Variants in AMOTL2 observed in about 807,000 individuals in gnomAD.
The protein encoded by AMOTL2 is angiomotin like 2, also known as angiomotin-like protein 2.
Under a neutral mutation model 78.4 loss-of-function variants are expected in AMOTL2, and 33 were observed. The ratio of observed to expected loss-of-function variants is 0.42; its 90% CI spans 0.32 to 0.56. AMOTL2 has a LOEUF of 0.56. Ranked by LOEUF, AMOTL2 falls within the 20% of genes least tolerant of loss-of-function variation. The pLI, the probability that AMOTL2 is intolerant of heterozygous loss-of-function variation, is 0.12. For missense variants in AMOTL2, 983 were observed against 1,030.1 expected, an observed-to-expected ratio of 0.95 and a Z score of 0.63; for synonymous variants, 422 against 428.8, an observed-to-expected ratio of 0.98 and a Z score of 0.20.
intron 4 of AMOTL2, 111 bp downstream of exon 4, chr3:134,366,172 G>T: frequency 7.0e-7 from 1 of 1,437,240 alleles, no homozygotes; most frequent in Non-Finnish European, 9.5e-7. Flanking sequence ...GGCTCTCTGA[G>T]TTCATCTGCA....
chr3:134,372,926 G>T (rs1282717205), intron 1 of AMOTL2, among the ~76,000 whole-genome samples: 1 of 135,830 alleles, frequency 7.4e-6, no homozygotes, highest in African/African-American at 2.8e-5. Context: ...GGTCCTGTGT[G>T]TATGGGCAGG....
At chr3:134,366,115 G>C (rs1032752913) in intron 4 of AMOTL2, among the ~76,000 whole-genome samples, 168 bp downstream of exon 4, 3 of 152,200 alleles carry the variant, frequency 2.0e-5, no homozygotes, top group Non-Finnish European at 2.9e-5. Flanking sequence ...CCAGTACATA[G>C]AGACAAGCAT....
At chr3:134,359,830 G>A (rs913743888) in intron 7 of AMOTL2, among the ~76,000 whole-genome samples, 19 of 152,178 alleles carry the variant, frequency 1.2e-4, no homozygotes, top group African/African-American at 3.1e-4. Flanking sequence ...CCTGGAGGGC[G>A]GCACTCCGGA....
At chr3:134,357,897 C>T in intron 9 of AMOTL2, 134 bp from the exon 10 acceptor site, 10 of 890,610 alleles carry the variant, frequency 1.1e-5, no homozygotes, top group East Asian at 2.4e-5. Flanking sequence ...TCCCAGAACT[C>T]GGCCAACCAA....
At position 134,360,228 on chromosome 3, in the gene AMOTL2, A is replaced by C. The variant is rs757200684; in HGVS notation, c.1761T>G (p.Ala587=). 6 of 1,614,070 alleles carry C rather than the reference A, an allele frequency of 3.7e-6. No individual in the cohort carries two copies. The highest frequency in any genetic ancestry group is 5.1e-6 in the Non-Finnish European group (6 of 1,180,024). ...TGTCACGCTGAGCAGCAGCCGTGGCAGCCGCATCCATGGCAAACTGCCTCA... is the reference window on the plus strand; with the variant it reads ...TGTCACGCTGAGCAGCAGCCGTGGCCGCCGCATCCATGGCAAACTGCCTCA... ...RAMRQFAMDA[A]ATAAAQRDTT... is the part of the protein sequence containing the mutation. The change falls in exon 7 of 10, where the codon GCT becomes GCG. Residue 587 remains alanine, a synonymous_variant. Coordinates refer to ENST00000249883, the MANE Select transcript of AMOTL2 (RefSeq NM_016201.4).
Position 134,363,434 on chromosome 3 carries a change from C to T in AMOTL2, c.1280-1627G>A, listed in dbSNP as rs578232185. Reference sequence around the variant, plus strand: ...GGACTCAGGCAGGGAGGACCCTCCCCTAGTCCACCTGTGCGTTCAGTTTGC... The same window carrying T: ...GGACTCAGGCAGGGAGGACCCTCCCTTAGTCCACCTGTGCGTTCAGTTTGC... On this transcript the variant is annotated intron_variant, in intron 5 of 9. Coordinates refer to ENST00000249883, the MANE Select transcript of AMOTL2 (RefSeq NM_016201.4). Among the ~76,000 whole-genome samples, 6 of 152,374 alleles carry T rather than the reference C, an allele frequency of 3.9e-5. No homozygotes were observed. The South Asian group carries it at 1.2e-3, about 32-fold the overall frequency.
chr3:134,375,242 A>C, upstream of AMOTL2: 3 of 1,535,698 alleles, frequency 2.0e-6, no homozygotes, highest in Non-Finnish European at 2.6e-6. Flanking sequence ...CAAGGTGATA[A>C]TAGGCGCCCC....
In AMOTL2 at chr3:134,356,800, C is replaced by A. The variant is rs1443597936; in HGVS notation, c.*905G>T. The A allele has an allele frequency of 6.6e-6, 1 of 152,620 alleles. No individual in the cohort carries two copies. Among genetic ancestry groups the A allele is most frequent in the East Asian group, 1.9e-4 (1 of 5,200 alleles). 9.5% of individuals were successfully genotyped at this position (152,620 alleles called of 1,614,324 possible). ...CCAAACTGACAGGATGTTCCAGGGA[C>A]AGGAGCTGTGGAGCCACTTCAAGAG... On this transcript the variant is annotated 3_prime_UTR_variant, in exon 10 of 10. Coordinates refer to ENST00000249883, the MANE Select transcript of AMOTL2 (RefSeq NM_016201.4).
chr3:134,360,100 C>G lies in AMOTL2; in HGVS notation c.1883+6G>C. 1 of 1,600,416 alleles carries G rather than the reference C, an allele frequency of 6.2e-7. No individual in the cohort carries two copies. Among genetic ancestry groups the G allele is most frequent in the Non-Finnish European group, 8.6e-7 (1 of 1,169,330 alleles). On this transcript the variant is annotated splice_donor_region_variant and intron_variant, in intron 7 of 9. Transcript: ENST00000249883. Reference sequence around the variant, plus strand: ...AACCTCAGGTGCCTGGCCTGCAATGCCGAACCTGCTTTCCATCTCCTGATG... The same window carrying G: ...AACCTCAGGTGCCTGGCCTGCAATGGCGAACCTGCTTTCCATCTCCTGATG...
rs2017663619 is a variant in AMOTL2, at chr3:134,367,530, C to A, written c.1008G>T (p.Glu336Asp). The change falls in exon 3 of 10, where the codon GAG (glutamate) becomes GAT (aspartate). Residue 336 changes from glutamate to aspartate, a missense_variant. Coordinates refer to ENST00000249883, the MANE Select transcript of AMOTL2 (RefSeq NM_016201.4). ...RDNERLQREL[E>D]SSAEKAGRIE... ...TGCGGCCAGCCTTCTCCGCAGAGCTCTCCAGCTCCCTCTGCAGCCGCTCAT... is the reference window on the plus strand; with the variant it reads ...TGCGGCCAGCCTTCTCCGCAGAGCTATCCAGCTCCCTCTGCAGCCGCTCAT... 6.2e-7 allele frequency: 1 copy of A among 1,612,784 alleles called. No individual in the cohort carries two copies. The highest frequency in any genetic ancestry group is 1.7e-5 in the Admixed American group (1 of 60,004).
chr3:134,355,374 T>C lies in AMOTL2; in HGVS notation c.*2331A>G, dbSNP rs916707167. On this transcript the variant is annotated 3_prime_UTR_variant, in exon 10 of 10. Transcript: ENST00000249883. ...AGAATGGCTTTCTTTAATTTTGAAT[T>C]GGAGCAATATGCTTTCCTGAGCATC... 2.0e-5 allele frequency among the ~76,000 whole-genome samples: 3 copies of C among 152,230 alleles called. No individual in the cohort carries two copies. The highest frequency in any genetic ancestry group is 7.2e-5 in the African/African-American group (3 of 41,458).
chr3:134,362,822 C>G (rs906966982), intron 5 of AMOTL2, among the ~76,000 whole-genome samples: 8 of 152,236 alleles, frequency 5.3e-5, no homozygotes, highest in African/African-American at 1.9e-4. Context: ...CAGGCTGCCC[C>G]CTGAGGAGCA....
At chr3:134,361,392 C>T in intron 6 of AMOTL2, 120 bp downstream of exon 6, 1 of 1,221,598 alleles carries the variant, frequency 8.2e-7, no homozygotes, top group South Asian at 1.6e-5. Context: ...GGCCTGCAGC[C>T]TAGATCTAAG....
intron 7 of AMOTL2, 151 bp downstream of exon 7, chr3:134,359,955 G>A (rs1459095354): frequency 2.4e-6 from 2 of 842,468 alleles, no homozygotes; most frequent in African/African-American, 1.7e-5. Flanking sequence ...AGTGCCTGGT[G>A]TGCCAATCAT....
intron 1 of AMOTL2, among the ~76,000 whole-genome samples, chr3:134,372,932 G>A (rs1293046323): frequency 1.3e-5 from 2 of 149,922 alleles, no homozygotes; most frequent in Non-Finnish European, 3.0e-5. Context: ...GTGTGTATGG[G>A]CAGGGGTTGG....
chr3:134,374,901 CTGTGTGTGTGTG>C, upstream of AMOTL2: 11 of 1,169,536 alleles, frequency 9.4e-6, no homozygotes, highest in Non-Finnish European at 1.2e-5. Context: ...GGGACTCCGG[CTGTGTGTGTGTG>C]TGTGTGTGTG....
Position 134,367,539 on chromosome 3 carries a change from CCTCTGCAGCCGCTCATTGTCT to C in AMOTL2, c.978_998del (p.Asp327_Arg333del). 6.2e-7 allele frequency: 1 copy of C among 1,613,088 alleles called. No individual in the cohort carries two copies. The highest frequency in any genetic ancestry group is 8.5e-7 in the Non-Finnish European group (1 of 1,180,042). On this transcript the variant is annotated inframe_deletion, in exon 3 of 10. Coordinates refer to ENST00000249883, the MANE Select transcript of AMOTL2 (RefSeq NM_016201.4). ...CCTTCTCCGCAGAGCTCTCCAGCTC[CCTCTGCAGCCGCTCATTGTCT>C]CTCTGCAGCCTGGCATTCTCCCTCA...
chr3:134,370,511 C>G (rs1179621824), intron 2 of AMOTL2, among the ~76,000 whole-genome samples, 189 bp downstream of exon 2: 1 of 152,210 alleles, frequency 6.6e-6, no homozygotes. Flanking sequence ...GCAAGGGACA[C>G]CACTAACTTC....
chr3:134,362,212 C>A (rs939091056), intron 5 of AMOTL2, among the ~76,000 whole-genome samples: 1 of 152,200 alleles, frequency 6.6e-6, no homozygotes, highest in African/African-American at 2.4e-5. Flanking sequence ...AAAATAGAGA[C>A]TCAGGTAGGC....
Sources: gnomAD v4.1 joint callset for allele counts (sites outside exome capture counted in the v4.1 genomes callset) on GRCh38, gnomAD v4.1.1 for gene constraint, MANE v1.5 for transcripts, NCBI Gene and HGNC (gene_info 2026-07-23, HGNC 2026-07-21) for gene names.